CPEB2: variants seen among roughly 807,000 people sequenced by gnomAD.
CPEB2 encodes cytoplasmic polyadenylation element binding protein 2.
In CPEB2, 56 loss-of-function variants were observed where a neutral mutation model predicts 93.6. The observed-to-expected ratio is 0.60, with a 90% CI of 0.48 to 0.75. The LOEUF (loss-of-function observed/expected upper bound fraction) is 0.75, where lower values mean the gene tolerates loss of function less well. CPEB2 is among the 30% of genes least tolerant of loss of function. CPEB2 has a pLI of 0.00. For missense variants in CPEB2, 1,579 were observed against 1,395.1 expected (o/e 1.13, Z -2.10); for synonymous variants, 764 against 586.3 (o/e 1.30, Z -4.38).
At position 15,002,980 on chromosome 4, in the gene CPEB2, C is replaced by T. The variant is rs954940112; in HGVS notation, c.307C>T (p.Gln103Ter). The change falls in exon 1 of 12, where the codon CAG (glutamine) becomes TAG (stop). Residue 103 changes from glutamine to a stop codon, truncating the protein, a stop_gained. Transcript: ENST00000538197. LOFTEE classifies it high-confidence loss of function. ...GGATGAGCTGCTTCTGGGGCTGACACAGCAGCCGGCGCGGCCGCTTTCGGG... is the reference window on the plus strand; with the variant it reads ...GGATGAGCTGCTTCTGGGGCTGACATAGCAGCCGGCGCGGCCGCTTTCGGG... ...MQDELLLGLT[Q>*]QPARPLSGAA... The T allele has an allele frequency of 1.9e-5, 28 of 1,505,786 alleles. No homozygotes were observed. The African/African-American group carries it at 4.0e-4, about 21-fold the overall frequency. The allele number at this position is 1,505,786 out of a possible 1,614,324, so 93.3% of individuals were successfully genotyped here.
Position 15,003,251 on chromosome 4 carries a change from C to G in CPEB2, c.578C>G (p.Ser193Trp), listed in dbSNP as rs756737934. 4 of 1,521,882 alleles carry G rather than the reference C, an allele frequency of 2.6e-6. No individual in the cohort carries two copies. The highest frequency in any genetic ancestry group is 2.6e-6 in the Non-Finnish European group (3 of 1,142,750). The allele number at this position is 1,521,882 out of a possible 1,614,324, so 94.3% of individuals were successfully genotyped here. A position where few individuals can be genotyped will look rare whatever the true frequency, so the allele number is the denominator to read the frequency against. Reference sequence around the variant, plus strand: ...CCCCACCTTCCCCACCCTCCGGACTCGAAGCCGCCGCCGCCGCCTCCGCCG... The same window carrying G: ...CCCCACCTTCCCCACCCTCCGGACTGGAAGCCGCCGCCGCCGCCTCCGCCG... Reference protein sequence around the residue: ...SPPHLPHPPDSKPPPPPPPLH... With the variant: ...SPPHLPHPPDWKPPPPPPPLH... The change falls in exon 1 of 12, where the codon TCG becomes TGG. Residue 193 changes from serine to tryptophan, a missense_variant. Physicochemically the swap from Ser to Trp is radical, Grantham distance 177. Coordinates refer to ENST00000538197, the MANE Select transcript of CPEB2 (RefSeq NM_001177382.2).
chr4:15,049,389 A>G (rs1728012348), intron 6 of CPEB2, among the ~76,000 whole-genome samples: 1 of 152,242 alleles, frequency 6.6e-6, no homozygotes, highest in Non-Finnish European at 1.5e-5. Flanking sequence ...GGCATTTTAA[A>G]GTGAAAAACT....
At chr4:15,017,303 ATGTT>A in intron 4 of CPEB2, 25 bp downstream of exon 4, 2 of 1,265,140 alleles carry the variant, frequency 1.6e-6, no homozygotes, top group Non-Finnish European at 2.3e-6. Context: ...AAAAAAATAT[ATGTT>A]TATATTATAC....
intron 4 of CPEB2, among the ~76,000 whole-genome samples, chr4:15,021,356 T>C (rs1005789481): frequency 6.6e-5 from 10 of 152,214 alleles, no homozygotes; most frequent in African/African-American, 2.2e-4. Flanking sequence ...AAGTACTGTT[T>C]TGTAGTTTTT....
intron 3 of CPEB2, among the ~76,000 whole-genome samples, chr4:15,012,875 AGAG>A (rs1385423562): frequency 3.9e-5 from 6 of 152,152 alleles, no homozygotes; most frequent in Admixed American, 6.5e-5. Context: ...CTCATTTTCA[AGAG>A]GAGAAGTTTC....
At chr4:15,032,579 C>A (rs1029378383) in intron 4 of CPEB2, among the ~76,000 whole-genome samples, 2 of 151,872 alleles carry the variant, frequency 1.3e-5, no homozygotes, top group African/African-American at 2.4e-5. Context: ...TATTTTTAAT[C>A]ATTTATAAAC....
chr4:15,045,056 A>G (rs1454871112), intron 6 of CPEB2, among the ~76,000 whole-genome samples: 1 of 152,058 alleles, frequency 6.6e-6, no homozygotes, highest in African/African-American at 2.4e-5. Flanking sequence ...TCTGTATTTT[A>G]CCTTAATATG....
chr4:15,054,276 G>T (rs1728515200), intron 8 of CPEB2, 59 bp downstream of exon 8: 1 of 1,171,906 alleles, frequency 8.5e-7, no homozygotes, highest in South Asian at 1.3e-5. Flanking sequence ...GCAAAAGAAA[G>T]AATAGCAATT....
intron 5 of CPEB2, among the ~76,000 whole-genome samples, chr4:15,033,734 ATTAAAG>A (rs1726347169): frequency 6.6e-6 from 1 of 152,226 alleles, no homozygotes; most frequent in Non-Finnish European, 1.5e-5. Flanking sequence ...AATAAATTTC[ATTAAAG>A]TTAGTTTTCT....
intron 6 of CPEB2, among the ~76,000 whole-genome samples, chr4:15,050,641 A>G (rs941437321): frequency 4.6e-5 from 7 of 152,178 alleles, no homozygotes; most frequent in Non-Finnish European, 1.0e-4. Context: ...AAAAGTAATT[A>G]TCTTAATATC....
At chr4:15,022,131 T>C (rs1194211661) in intron 4 of CPEB2, among the ~76,000 whole-genome samples, 1 of 152,146 alleles carries the variant, frequency 6.6e-6, no homozygotes, top group Non-Finnish European at 1.5e-5. Flanking sequence ...GTGTCAACCA[T>C]GTGGTTTTCA....
At chr4:15,052,780 C>T (rs1179870141) in intron 7 of CPEB2, among the ~76,000 whole-genome samples, 196 bp downstream of exon 7, 2 of 152,026 alleles carry the variant, frequency 1.3e-5, no homozygotes, top group East Asian at 3.9e-4. Flanking sequence ...TTTTATTTTT[C>T]ACTTTAGATC....
At chr4:15,061,676 A>AAGAT (rs1234190291) in intron 10 of CPEB2, among the ~76,000 whole-genome samples, 3 of 150,434 alleles carry the variant, frequency 2.0e-5, no homozygotes, top group African/African-American at 7.3e-5. Context: ...AATTTTTTTT[A>AAGAT]AGATAGGAAA....
intron 6 of CPEB2, among the ~76,000 whole-genome samples, chr4:15,042,970 C>T (rs1399958018): frequency 1.3e-5 from 2 of 152,066 alleles, no homozygotes; most frequent in Admixed American, 6.5e-5. Flanking sequence ...CTGTTCATGT[C>T]GGATGTGTCA....
In CPEB2 at chr4:15,040,049, A is replaced by G. The variant is rs142785880; in HGVS notation, c.2177-415A>G. 6.7e-3 allele frequency among the ~76,000 whole-genome samples: 1,013 copies of G among 152,254 alleles called. 12 individuals carry two copies. Among genetic ancestry groups the G allele is most frequent in the African/African-American group, 0.023 (953 of 41,560 alleles). ...GATCTGAACAGCTATTTATTGGACT[A>G]TATATGCCATACCATTCTTTATAAT... On this transcript the variant is annotated intron_variant, in intron 5 of 11. Transcript: ENST00000538197.
intron 4 of CPEB2, among the ~76,000 whole-genome samples, chr4:15,018,969 TACACACGCACACACACACGC>T (rs1724509425): frequency 2.9e-5 from 4 of 139,156 alleles, no homozygotes; most frequent in Non-Finnish European, 6.2e-5. Context: ...TATATATATA[TACACACGCACACACACACGC>T]ATATATAGAT....
chr4:15,051,661 T>A (rs1728230375), intron 6 of CPEB2, among the ~76,000 whole-genome samples: 1 of 152,246 alleles, frequency 6.6e-6, no homozygotes, highest in Non-Finnish European at 1.5e-5. Context: ...GAAGCTTTCT[T>A]ATGGATGTGT....
In CPEB2 at chr4:15,013,184, G is replaced by T. The variant is rs538180223; in HGVS notation, c.2035-4004G>T. On this transcript the variant is annotated intron_variant, in intron 3 of 11. Transcript: ENST00000538197. ...AATGTCTGGGTTTAAGAAAAACCAT[G>T]AAATAAATATTATAATAAAAGAGGT... is the stretch of plus-strand genomic sequence containing the variant. Among the ~76,000 whole-genome samples, 11 of 151,976 alleles carry T rather than the reference G, an allele frequency of 7.2e-5. No homozygotes were observed. In the South Asian group the frequency reaches 2.3e-3, roughly 32 times the overall value.
intron 3 of CPEB2, among the ~76,000 whole-genome samples, chr4:15,016,974 G>A (rs1029611433): frequency 6.6e-6 from 1 of 151,874 alleles, no homozygotes; most frequent in Non-Finnish European, 1.5e-5. Context: ...TTTGATAAAA[G>A]CTTTAAGAGA....
Sources: allele counts gnomAD v4.1 joint callset (sites outside exome capture counted in the v4.1 genomes callset), GRCh38; gene constraint gnomAD v4.1.1; transcripts MANE v1.5; gene names NCBI Gene and HGNC (gene_info 2026-07-23, HGNC 2026-07-21).